Variants in WDPCP observed in about 807,000 individuals in gnomAD.
WDPCP encodes the protein WD repeat-containing and planar cell polarity effector protein fritz homolog.
A neutral mutation model predicts 93.1 loss-of-function variants in WDPCP; 71 were observed. The ratio of observed to expected loss-of-function variants is 0.76; its 90% CI spans 0.63 to 0.93. WDPCP has a LOEUF of 0.93. WDPCP is among the 40% of genes least tolerant of loss of function. The pLI, the probability that WDPCP is intolerant of heterozygous loss-of-function variation, is 0.00. For missense variants in WDPCP, 844 were observed against 887.4 expected, an observed-to-expected ratio of 0.95 and a Z score of 0.62; for synonymous variants, 315 against 315.0, an observed-to-expected ratio of 1.00 and a Z score of 0.00.
At chr2:63,374,255 C>T (rs962406453) in intron 12 of WDPCP, among the ~76,000 whole-genome samples, 2 of 152,118 alleles carry the variant, frequency 1.3e-5, no homozygotes, top group Non-Finnish European at 2.9e-5. Flanking sequence ...ACCTATCTTA[C>T]TGTGAGCCAG....
intron 17 of WDPCP, among the ~76,000 whole-genome samples, chr2:63,129,085 A>G (rs145293991): frequency 1.3e-5 from 2 of 152,362 alleles, no homozygotes; most frequent in South Asian, 2.1e-4. Context: ...AAGTTCATCC[A>G]TGCTGTAGCA....
At chr2:63,736,409 T>C (rs1266000185) in intron 2 of WDPCP, among the ~76,000 whole-genome samples, 1 of 152,234 alleles carries the variant, frequency 6.6e-6, no homozygotes, top group Non-Finnish European at 1.5e-5. Flanking sequence ...TTAAATGCAA[T>C]GTAGCAACCA....
intron 3 of WDPCP, among the ~76,000 whole-genome samples, chr2:63,646,263 G>A (rs2106634571): frequency 6.6e-6 from 1 of 152,062 alleles, no homozygotes; most frequent in South Asian, 2.1e-4. Context: ...AAACAAACAA[G>A]CAAAAAGAAA....
chr2:63,191,605 G>A (rs1328588836), intron 14 of WDPCP, among the ~76,000 whole-genome samples: 1 of 151,832 alleles, frequency 6.6e-6, no homozygotes, highest in East Asian at 1.9e-4. Context: ...CTTTAGTGGG[G>A]CAGGCACACT....
chr2:63,136,051 A>T (rs1240173624), intron 17 of WDPCP, among the ~76,000 whole-genome samples: 1 of 152,182 alleles, frequency 6.6e-6, no homozygotes, highest in African/African-American at 2.4e-5. Flanking sequence ...TGAGGGACAT[A>T]CTTTTTCTTG....
At chr2:63,736,952 A>G (rs1031706404) in intron 2 of WDPCP, among the ~76,000 whole-genome samples, 1 of 152,124 alleles carries the variant, frequency 6.6e-6, no homozygotes, top group Admixed American at 6.5e-5. Context: ...GCTGCCAAAG[A>G]CAAAGAAAAA....
At chr2:63,189,065 T>C (rs1335717469) in intron 14 of WDPCP, among the ~76,000 whole-genome samples, 1 of 152,182 alleles carries the variant, frequency 6.6e-6, no homozygotes, top group Non-Finnish European at 1.5e-5. Flanking sequence ...GACTGTCTTC[T>C]TTCCTGTGTC....
intron 14 of WDPCP, among the ~76,000 whole-genome samples, chr2:63,185,827 G>A (rs1252584081): frequency 1.3e-5 from 2 of 152,282 alleles, no homozygotes; most frequent in East Asian, 3.9e-4. Flanking sequence ...ATGCTCAGTG[G>A]TTTGGGTTTT....
intron 12 of WDPCP, among the ~76,000 whole-genome samples, chr2:63,359,274 C>G (rs564862956): frequency 1.3e-5 from 2 of 152,218 alleles, no homozygotes. Context: ...ATGCTTAAGA[C>G]GTGCAACCTT....
chr2:63,245,017 A>G (rs1344055506), intron 14 of WDPCP, among the ~76,000 whole-genome samples: 2 of 152,166 alleles, frequency 1.3e-5, no homozygotes, highest in African/African-American at 4.8e-5. Context: ...GCCAATATTG[A>G]TGGCATAAGT....
rs1419422988 is a variant in WDPCP, at chr2:63,574,817, A to C, written c.75+13380T>G. The stretch of plus-strand genomic sequence containing the variant: ...GAAAAGTTGTAGAAAACTGATAATA[A>C]TACAAATAATTCCTGTCCATAGAAA... On this transcript the variant is annotated intron_variant, in intron 1 of 17. Transcript: ENST00000272321. 2.0e-5 allele frequency among the ~76,000 whole-genome samples: 3 copies of C among 152,198 alleles called. No homozygotes were observed. In the East Asian group the frequency reaches 5.8e-4, roughly 29 times the overall value.
intron 12 of WDPCP, 52 bp from the exon 13 acceptor site, chr2:63,313,363 G>T (rs1416457246): frequency 4.0e-6 from 6 of 1,515,812 alleles, no homozygotes; most frequent in Non-Finnish European, 5.5e-6. Flanking sequence ...ATATATAAAA[G>T]AAAAGAGCTG....
At chr2:63,288,385 T>C (rs1684164350) in intron 13 of WDPCP, among the ~76,000 whole-genome samples, 1 of 152,202 alleles carries the variant, frequency 6.6e-6, no homozygotes, top group Non-Finnish European at 1.5e-5. Flanking sequence ...AAAAGCAGAA[T>C]AATGTCCTAA....
rs1701054164 is a variant in WDPCP at position 63,494,008 on chromosome 2, A to C, written c.76-1068T>G. Among the ~76,000 whole-genome samples the C allele has an allele frequency of 2.6e-5, 4 of 152,186 alleles. No individual in the cohort carries two copies. In the South Asian group the frequency reaches 8.3e-4, roughly 32 times the overall value. On this transcript the variant is annotated intron_variant, in intron 1 of 17. Coordinates refer to ENST00000272321, the MANE Select transcript of WDPCP (RefSeq NM_015910.7). ...ATAGTATCCATATGGGTGATAATCT[A>C]AAATAATTTCAGACATAGTACAAAC...
chr2:63,805,691 T>A (rs1045843021), intron 2 of WDPCP, among the ~76,000 whole-genome samples: 5 of 152,190 alleles, frequency 3.3e-5, no homozygotes, highest in Non-Finnish European at 7.3e-5. Flanking sequence ...GGCAATGCCA[T>A]AGGAATTCTG....
chr2:63,629,249 C>T (rs992036223), intron 3 of WDPCP, among the ~76,000 whole-genome samples: 2 of 152,208 alleles, frequency 1.3e-5, no homozygotes, highest in Non-Finnish European at 2.9e-5. Flanking sequence ...AATTGCTCTA[C>T]ACCACAGAAA....
At chr2:63,127,662 CATATAT>C (rs67091232) in intron 17 of WDPCP, among the ~76,000 whole-genome samples, 6,625 of 131,626 alleles carry the variant, frequency 0.05, 180 homozygotes, top group African/African-American at 0.076. Context: ...TGTGTATGTG[CATATAT>C]ATATATATAT....
chr2:63,536,927 A>C (rs2106278940), intron 1 of WDPCP, among the ~76,000 whole-genome samples: 1 of 151,976 alleles, frequency 6.6e-6, no homozygotes, highest in Admixed American at 6.6e-5. Context: ...CCCCACACCC[A>C]GCCAATTTTT....
Position 63,404,225 on chromosome 2 carries a change from G to A in WDPCP, c.1258C>T (p.Arg420Cys), listed in dbSNP as rs769165669. The A allele has an allele frequency of 4.2e-5, 68 of 1,613,512 alleles. 1 individual carries two copies. In the South Asian group the frequency reaches 4.8e-4, roughly 11 times the overall value. The change falls in exon 10 of 18, where the codon CGC becomes TGC. Residue 420 changes from arginine (R) to cysteine (C), a missense_variant. Coordinates refer to ENST00000272321, the MANE Select transcript of WDPCP (RefSeq NM_015910.7). ...PINIQLLAED[R>C]LPRETLQFSK... is the part of the protein sequence containing the mutation. ...AATTGCAGAGTCTCCCTGGGTAAGC[G>A]GTCTTCAGCCAACAGTTGGATGTTA... is the stretch of plus-strand genomic sequence containing the variant.
Sources: gnomAD v4.1 joint callset for allele counts (sites outside exome capture counted in the v4.1 genomes callset) on GRCh38, gnomAD v4.1.1 for gene constraint, MANE v1.5 for transcripts, NCBI Gene and HGNC (gene_info 2026-07-23, HGNC 2026-07-21) for gene names.